Variants in MERTK observed in about 807,000 individuals in gnomAD.
MERTK encodes tyrosine-protein kinase Mer.
MERTK carries 69 observed loss-of-function variants against 99.3 expected under a neutral mutation model. The observed-to-expected ratio is 0.70, with a 90% confidence interval of 0.57 to 0.85. MERTK has a LOEUF of 0.85. Ranked by LOEUF, MERTK falls within the 40% of genes least tolerant of loss-of-function variation. The pLI is 0.00. For synonymous variants in MERTK, 426 were observed against 467.6 expected (o/e 0.91, Z 1.15); for missense variants, 1,125 against 1,249.4 (o/e 0.90, Z 1.50).
Position 112,019,336 on chromosome 2 carries a change from TC to T in MERTK, c.2080-69del, listed in dbSNP as rs3841094. 1.8e-4 allele frequency: 179 copies of T among 997,470 alleles called. 3 individuals are homozygous for T. The highest frequency in any genetic ancestry group is 1.2e-3 in the Admixed American group (73 of 58,730). 61.8% of individuals were successfully genotyped at this position (997,470 alleles called of 1,614,324 possible). A position where few individuals can be genotyped will look rare whatever the true frequency, so the allele number is the denominator to read the frequency against. On this transcript the variant is annotated intron_variant, in intron 15 of 18. Coordinates refer to ENST00000295408, the MANE Select transcript of MERTK (RefSeq NM_006343.3). ...CACTGTAATAAATTAAAGCATCCTTTCCCCCCCCGGCAGAAACTGCTTGCAA... is the reference window on the plus strand; with the variant it reads ...CACTGTAATAAATTAAAGCATCCTTTCCCCCCCGGCAGAAACTGCTTGCAA...
In MERTK at chr2:112,022,303, A is replaced by G; in HGVS notation, c.2395A>G (p.Thr799Ala). 6.2e-7 allele frequency: 1 copy of G among 1,613,826 alleles called. No individual in the cohort carries two copies. The highest frequency in any genetic ancestry group is 8.5e-7 in the Non-Finnish European group (1 of 1,179,978). The change falls in exon 18 of 19, where the codon ACT becomes GCT. Residue 799 changes from threonine to alanine, a missense_variant. By Grantham distance (58) the Thr-to-Ala change is moderately conservative (BLOSUM62 0). Coordinates refer to ENST00000295408, the MANE Select transcript of MERTK (RefSeq NM_006343.3). Reference protein sequence around the residue: ...TMWEIATRGMTPYPGVQNHEM... With the variant: ...TMWEIATRGMAPYPGVQNHEM... ...GTGGGAAATAGCTACGCGGGGAATG[A>G]CTCCCTATCCTGGGGTCCAGAACCA...
intron 1 of MERTK, among the ~76,000 whole-genome samples, chr2:111,914,980 A>G (rs2104670558): frequency 6.6e-6 from 1 of 152,306 alleles, no homozygotes; most frequent in Non-Finnish European, 1.5e-5. Flanking sequence ...TTCTTCTTTA[A>G]GCATTTGGCA....
At chr2:111,912,252 C>T (rs1573564463) in intron 1 of MERTK, among the ~76,000 whole-genome samples, 1 of 151,984 alleles carries the variant, frequency 6.6e-6, no homozygotes, top group African/African-American at 2.4e-5. Flanking sequence ...CATGATTTGC[C>T]CACCTCGGTC....
At chr2:112,023,581 G>A (rs936613036) in intron 18 of MERTK, among the ~76,000 whole-genome samples, 6 of 152,026 alleles carry the variant, frequency 3.9e-5, no homozygotes, top group East Asian at 1.9e-4. Flanking sequence ...CCCAGGCCTC[G>A]GAGTCAATAG....
chr2:111,941,506 C>T (rs1269220888), intron 2 of MERTK, among the ~76,000 whole-genome samples: 1 of 152,166 alleles, frequency 6.6e-6, no homozygotes, highest in Non-Finnish European at 1.5e-5. Flanking sequence ...TGGAGCTCCT[C>T]TTACATGGTG....
chr2:112,026,077 A>T (rs1360732156), intron 18 of MERTK: 3 of 154,120 alleles, frequency 1.9e-5, no homozygotes, highest in African/African-American at 7.2e-5. Context: ...TCCATCCATA[A>T]AATTTTATAA....
Position 112,009,857 on chromosome 2 carries a change from C to T in MERTK, c.1961-91C>T. ...TTTTCAAACTGTTAACTTGGTAACA[C>T]ACGGCTTCAGTTTTTCCAGTGGTCC... is the stretch of plus-strand genomic sequence containing the variant. On this transcript the variant is annotated intron_variant, in intron 14 of 18. Transcript: ENST00000295408. 6.2e-6 allele frequency: 6 copies of T among 964,782 alleles called. No individual in the cohort carries two copies. In the South Asian group the frequency reaches 7.7e-5, roughly 12 times the overall value. 59.8% of individuals were successfully genotyped at this position (964,782 alleles called of 1,614,324 possible).
chr2:111,948,799 A>G (rs1685005532), intron 4 of MERTK, among the ~76,000 whole-genome samples: 1 of 150,972 alleles, frequency 6.6e-6, no homozygotes, highest in South Asian at 2.1e-4. Context: ...CCTTGTCCCC[A>G]CTCCCAACTA....
chr2:112,016,734 G>A (rs1002701925), intron 15 of MERTK, among the ~76,000 whole-genome samples: 16 of 152,228 alleles, frequency 1.1e-4, no homozygotes, highest in African/African-American at 3.9e-4. Flanking sequence ...ACACAGTGAT[G>A]TGAGCAGCCT....
At chr2:111,929,742 A>G (rs1222564422) in intron 2 of MERTK, among the ~76,000 whole-genome samples, 2 of 135,402 alleles carry the variant, frequency 1.5e-5, no homozygotes, top group African/African-American at 5.4e-5. Context: ...GCCCACCACC[A>G]CACCCAGCTA....
chr2:111,961,847 T>G (rs1039552444), intron 4 of MERTK, among the ~76,000 whole-genome samples: 2 of 152,214 alleles, frequency 1.3e-5, no homozygotes, highest in Non-Finnish European at 2.9e-5. Context: ...CTCTCTGCCA[T>G]GTAGTGACCA....
At chr2:111,944,813 C>A in intron 2 of MERTK, 147 bp from the exon 3 acceptor site, 1 of 703,572 alleles carries the variant, frequency 1.4e-6, no homozygotes, top group Non-Finnish European at 2.5e-6. Context: ...AGGGTTTGAC[C>A]AAACAACTGC....
chr2:111,903,165 T>A (rs1684077217), intron 1 of MERTK, among the ~76,000 whole-genome samples: 1 of 152,176 alleles, frequency 6.6e-6, no homozygotes, highest in African/African-American at 2.4e-5. Context: ...TTTTCACTGC[T>A]AACACAGCAT....
chr2:111,902,124 A>G (rs1388302732), intron 1 of MERTK, among the ~76,000 whole-genome samples: 2 of 152,194 alleles, frequency 1.3e-5, no homozygotes, highest in Non-Finnish European at 2.9e-5. Context: ...ACCTCAGGTG[A>G]TCTGCCTGCC....
intron 15 of MERTK, chr2:112,010,388 G>T: frequency 3.2e-6 from 1 of 309,218 alleles, no homozygotes; most frequent in Non-Finnish European, 6.4e-6. Context: ...CCCAGAGCTT[G>T]CAGACTATGG....
chr2:111,916,273 G>A (rs918773507), intron 1 of MERTK, among the ~76,000 whole-genome samples: 10 of 152,066 alleles, frequency 6.6e-5, no homozygotes, highest in Admixed American at 3.9e-4. Flanking sequence ...GATTACAGGC[G>A]AGAGCCACCG....
chr2:111,945,683 G>T (rs962084798), intron 3 of MERTK, among the ~76,000 whole-genome samples: 1 of 152,236 alleles, frequency 6.6e-6, no homozygotes, highest in Admixed American at 6.5e-5. Context: ...ACTCTAATGG[G>T]CAATGTGAGC....
intron 2 of MERTK, among the ~76,000 whole-genome samples, chr2:111,937,411 C>A (rs13013340): frequency 0.21 from 31,822 of 152,096 alleles, 4,004 homozygotes; most frequent in Middle Eastern, 0.36. Context: ...ATGATCCACT[C>A]CAGCCTGGGC....
At chr2:111,929,034 C>G (rs934064017) in intron 1 of MERTK, 86 bp from the exon 2 acceptor site, 1 of 1,442,034 alleles carries the variant, frequency 6.9e-7, no homozygotes. Context: ...CCCCAGTGCT[C>G]TCTCTTCTTG....
Sources: allele counts gnomAD v4.1 joint callset (sites outside exome capture counted in the v4.1 genomes callset), GRCh38; gene constraint gnomAD v4.1.1; transcripts MANE v1.5; gene names NCBI Gene and HGNC (gene_info 2026-07-23, HGNC 2026-07-21).